The following CSNK2A2IP variants were observed in gnomAD, a reference collection of about 807,000 sequenced individuals.
CSNK2A2IP encodes the protein casein kinase 2 subunit alpha' interacting protein, also known as casein kinase II subunit alpha'-interacting protein.
chr3:88,378,440 G>T, the CSNK2A2IP span, among the ~76,000 whole-genome samples: 1 of 151,798 alleles, frequency 6.6e-6, no homozygotes, highest in African/African-American at 2.4e-5. Flanking sequence ...GTGCTTTCCA[G>T]TAAAACTCTT....
chr3:88,416,382 TAGA>T, the CSNK2A2IP span, among the ~76,000 whole-genome samples: 1 of 152,118 alleles, frequency 6.6e-6, no homozygotes, highest in African/African-American at 2.4e-5. Context: ...TTTTTGTTTA[TAGA>T]TTTTGCATCT....
chr3:88,449,474 A>T, the CSNK2A2IP span, among the ~76,000 whole-genome samples: 1 of 151,934 alleles, frequency 6.6e-6, no homozygotes, highest in Non-Finnish European at 1.5e-5. Context: ...CTTCTTTCCT[A>T]TCCATTTTCT....
At chr3:88,365,511 C>A in the CSNK2A2IP span, among the ~76,000 whole-genome samples, 3 of 152,138 alleles carry the variant, frequency 2.0e-5, no homozygotes, top group Non-Finnish European at 4.4e-5. Flanking sequence ...TTCCCAGGTC[C>A]TCAGCCTGCC....
At chr3:88,375,479 G>A in the CSNK2A2IP span, among the ~76,000 whole-genome samples, 1 of 151,608 alleles carries the variant, frequency 6.6e-6, no homozygotes, top group South Asian at 2.1e-4. Flanking sequence ...GAAGACTCTG[G>A]GATCAATGTT....
At chr3:88,392,411 G>T in the CSNK2A2IP span, among the ~76,000 whole-genome samples, 4 of 152,108 alleles carry the variant, frequency 2.6e-5, no homozygotes, top group African/African-American at 9.7e-5. Context: ...AATAGCTAGA[G>T]AAGACAAGGA....
chr3:88,342,549 C>T, the CSNK2A2IP span, among the ~76,000 whole-genome samples: 15 of 151,880 alleles, frequency 9.9e-5, no homozygotes, highest in East Asian at 1.9e-4. Context: ...GAGGTCTGCC[C>T]GGTTGATGGA....
At chr3:88,424,819 C>G in the CSNK2A2IP span, among the ~76,000 whole-genome samples, 6 of 127,568 alleles carry the variant, frequency 4.7e-5, no homozygotes, top group Admixed American at 4.7e-4. Flanking sequence ...CTTTTTTTTT[C>G]TTTTGAATGT....
At chr3:88,352,952 A>G in the CSNK2A2IP span, among the ~76,000 whole-genome samples, 1 of 152,174 alleles carries the variant, frequency 6.6e-6, no homozygotes, top group South Asian at 2.1e-4. Flanking sequence ...GGCCAATTCT[A>G]ATAAATTCTA....
At chr3:88,467,045 C>G in the CSNK2A2IP span, 3 of 1,040,048 alleles carry the variant, frequency 2.9e-6, no homozygotes, top group East Asian at 9.7e-5. Flanking sequence ...TTCCCCACAT[C>G]TGAACGGGAT....
the CSNK2A2IP span, among the ~76,000 whole-genome samples, chr3:88,358,793 T>TTTG: frequency 6.0e-4 from 92 of 152,244 alleles, 1 homozygote; most frequent in African/African-American, 2.2e-3. Context: ...GCCAGCAGTT[T>TTTG]TTGTTGTTGT....
the CSNK2A2IP span, among the ~76,000 whole-genome samples, chr3:88,374,003 T>C: frequency 6.6e-6 from 1 of 151,704 alleles, no homozygotes; most frequent in Non-Finnish European, 1.5e-5. Flanking sequence ...GAACTCTAGG[T>C]ATGTATGGCT....
the CSNK2A2IP span, among the ~76,000 whole-genome samples, chr3:88,430,758 A>G: frequency 1.3e-5 from 2 of 152,262 alleles, no homozygotes; most frequent in Admixed American, 1.3e-4. Context: ...AGTAACAACA[A>G]TGTTCAAAAA....
At chr3:88,352,115 AT>A in the CSNK2A2IP span, among the ~76,000 whole-genome samples, 3 of 152,076 alleles carry the variant, frequency 2.0e-5, no homozygotes, top group Non-Finnish European at 4.4e-5. Context: ...TTGTAATTCC[AT>A]TTTTTTACTG....
chr3:88,390,501 C>T, the CSNK2A2IP span, among the ~76,000 whole-genome samples: 4 of 152,154 alleles, frequency 2.6e-5, no homozygotes, highest in African/African-American at 9.7e-5. Flanking sequence ...CTCAACGTCA[C>T]ATCCAATGAG....
the CSNK2A2IP span, chr3:88,465,513 C>G: frequency 8.1e-6 from 10 of 1,231,648 alleles, no homozygotes; most frequent in African/African-American, 1.6e-4. Context: ...ATAGCAATCA[C>G]TTTGCAGTAC....
the CSNK2A2IP span, among the ~76,000 whole-genome samples, chr3:88,358,548 G>A: frequency 6.6e-6 from 1 of 151,966 alleles, no homozygotes; most frequent in Non-Finnish European, 1.5e-5. Flanking sequence ...AATCATGAAA[G>A]GGTATTGAAT....
the CSNK2A2IP span, among the ~76,000 whole-genome samples, chr3:88,360,195 G>A: frequency 6.6e-6 from 1 of 150,872 alleles, no homozygotes; most frequent in Non-Finnish European, 1.5e-5. Context: ...GAGTGCAGTG[G>A]CGTGATCTTG....
the CSNK2A2IP span, among the ~76,000 whole-genome samples, chr3:88,421,199 G>A: frequency 6.6e-6 from 1 of 151,900 alleles, no homozygotes; most frequent in Non-Finnish European, 1.5e-5. Flanking sequence ...GATAATCATT[G>A]AGAGAAGGCA....
chr3:88,379,773 T>C, the CSNK2A2IP span, among the ~76,000 whole-genome samples: 4 of 152,112 alleles, frequency 2.6e-5, no homozygotes, highest in African/African-American at 9.7e-5. Flanking sequence ...CAACATTTGA[T>C]TTTTTGTGTA....
Sources: allele counts gnomAD v4.1 joint callset (sites outside exome capture counted in the v4.1 genomes callset), GRCh38; gene constraint gnomAD v4.1.1; transcripts MANE v1.5; gene names NCBI Gene and HGNC (gene_info 2026-07-23, HGNC 2026-07-21).